The following CXCL17 variants were observed in gnomAD, a reference collection of about 807,000 sequenced individuals.
CXCL17 encodes the protein C-X-C motif chemokine ligand 17.
Under a neutral mutation model 15.5 loss-of-function variants are expected in CXCL17, and 9 were observed. The ratio of observed to expected loss-of-function variants is 0.58; its 90% CI spans 0.35 to 1.01. The LOEUF (loss-of-function observed/expected upper bound fraction) is 1.01, where lower values mean the gene tolerates loss of function less well. Among genes scored for constraint, CXCL17 ranks in the 50% least tolerant of loss-of-function variants. The pLI is 0.02. For missense variants in CXCL17, 133 were observed against 138.2 expected, an observed-to-expected ratio of 0.96 and a Z score of 0.19; for synonymous variants, 52 against 52.3, an observed-to-expected ratio of 0.99 and a Z score of 0.02.
intron 1 of CXCL17, among the ~76,000 whole-genome samples, chr19:42,434,850 G>A (rs1325715251): frequency 6.6e-6 from 1 of 151,982 alleles, no homozygotes; most frequent in Non-Finnish European, 1.5e-5. Context: ...TTTATTTTCC[G>A]ATTCTATCTT....
At position 42,432,984 on chromosome 19, in the gene CXCL17, T is replaced by C; in HGVS notation, c.254A>G (p.Lys85Arg). 3 of 1,613,112 alleles carry C rather than the reference T, an allele frequency of 1.9e-6. No homozygotes were observed. The highest frequency in any genetic ancestry group is 2.5e-6 in the Non-Finnish European group (3 of 1,179,042). Residue 85 changes from lysine (K) to arginine (R), a missense_variant, in exon 3 of 4, where the codon AAG becomes AGG. Transcript: ENST00000601181. Reference sequence around the variant, plus strand: ...ATCCTTTGGAAACTTACTTGTTTTCTTCACATTGCCCTTGAAATGATCACA... The same window carrying C: ...ATCCTTTGGAAACTTACTTGTTTTCCTCACATTGCCCTTGAAATGATCACA... ...CPCDHFKGNV[K>R]KTRHQRHHRK...
At position 42,428,647 on chromosome 19, in the gene CXCL17, T is replaced by TA. The variant is rs1389396234; in HGVS notation, c.*236dup. 2.8e-5 allele frequency: 11 copies of TA among 397,154 alleles called. No homozygotes were observed. The highest frequency in any genetic ancestry group is 5.0e-5 in the Non-Finnish European group (11 of 221,540). The allele number at this position is 397,154 out of a possible 1,614,324, so 24.6% of individuals were successfully genotyped here. Reference sequence around the variant, plus strand: ...CTACAGTTTCCTGGAATCTTTCAGGTAATTAAGCCTAAGCCTGGGTAAGGG... The same window carrying TA: ...CTACAGTTTCCTGGAATCTTTCAGGTAAATTAAGCCTAAGCCTGGGTAAGGG... On this transcript the variant is annotated 3_prime_UTR_variant, in exon 4 of 4. Coordinates refer to ENST00000601181, the MANE Select transcript of CXCL17 (RefSeq NM_198477.3).
At chr19:42,438,530 T>C (rs1347489853) in intron 1 of CXCL17, among the ~76,000 whole-genome samples, 1 of 151,236 alleles carries the variant, frequency 6.6e-6, no homozygotes, top group Non-Finnish European at 1.5e-5. Flanking sequence ...TGTTGGCGGG[T>C]AACTGAAACT....
chr19:42,434,774 C>T (rs189583873), intron 1 of CXCL17, among the ~76,000 whole-genome samples: 14 of 152,042 alleles, frequency 9.2e-5, no homozygotes, highest in African/African-American at 2.7e-4. Context: ...AACTATTAAA[C>T]GATGGTATTT....
At chr19:42,439,273 AAG>A (rs1491526124) in intron 1 of CXCL17, among the ~76,000 whole-genome samples, 2 of 146,990 alleles carry the variant, frequency 1.4e-5, no homozygotes, top group Admixed American at 6.8e-5. Context: ...AAAAAAAAAA[AAG>A]AAAAAGAAAA....
At chr19:42,440,846 G>A (rs1056769823) in intron 1 of CXCL17, among the ~76,000 whole-genome samples, 6 of 151,692 alleles carry the variant, frequency 4.0e-5, no homozygotes, top group Non-Finnish European at 8.8e-5. Flanking sequence ...TTGACCAAGG[G>A]TGGTTCCCCC....
chr19:42,433,069 G>A lies in CXCL17; in HGVS notation c.169C>T (p.Leu57=). The A allele has an allele frequency of 1.2e-6, 2 of 1,613,190 alleles. No homozygotes were observed. Among genetic ancestry groups the A allele is most frequent in the Non-Finnish European group, 8.5e-7 (1 of 1,179,304 alleles). The part of the protein sequence containing the change: ...GQECECKDWF[L]RAPRRKFMTV... Reference sequence around the variant, plus strand: ...ATGAATTTTCTTCTCGGGGCTCTCAGGAACCAATCTGGAACAACAGCATTG... The same window carrying A: ...ATGAATTTTCTTCTCGGGGCTCTCAAGAACCAATCTGGAACAACAGCATTG... Residue 57 remains leucine (L), a synonymous_variant, in exon 3 of 4, where the codon CTG becomes TTG. Coordinates refer to ENST00000601181, the MANE Select transcript of CXCL17 (RefSeq NM_198477.3).
chr19:42,438,604 A>G (rs1021916494), intron 1 of CXCL17, among the ~76,000 whole-genome samples: 1 of 151,632 alleles, frequency 6.6e-6, no homozygotes, highest in African/African-American at 2.4e-5. Context: ...TCTGACCACT[A>G]GAGGGCCTAG....
intron 2 of CXCL17, among the ~76,000 whole-genome samples, chr19:42,433,417 T>G (rs942078552): frequency 6.6e-6 from 1 of 152,190 alleles, no homozygotes; most frequent in African/African-American, 2.4e-5. Context: ...CCATTTTGCC[T>G]CTCTGCTTTC....
chr19:42,430,359 C>G (rs851302), intron 3 of CXCL17, among the ~76,000 whole-genome samples: 32,345 of 151,768 alleles, frequency 0.21, 5,609 homozygotes, highest in African/African-American at 0.47. Flanking sequence ...ACTTTGGGAG[C>G]CCGAGGCAGG....
chr19:42,435,459 A>C (rs1200902904), intron 1 of CXCL17, among the ~76,000 whole-genome samples: 1 of 152,126 alleles, frequency 6.6e-6, no homozygotes, highest in Non-Finnish European at 1.5e-5. Flanking sequence ...CTGTATATGG[A>C]GATAGGACCT....
intron 1 of CXCL17, among the ~76,000 whole-genome samples, chr19:42,434,366 C>T (rs929677030): frequency 6.6e-6 from 1 of 152,138 alleles, no homozygotes. Flanking sequence ...AGAGTGAGAG[C>T]GAGGAGGAGA....
chr19:42,442,881 T>G lies in CXCL17; in HGVS notation c.-49A>C. On this transcript the variant is annotated 5_prime_UTR_variant, in exon 1 of 4. Transcript: ENST00000601181. ...GTTGCTTGAAGAATATAATGGAAGG[T>G]TCCCTGCTGGAGGCTCCTGATCCCT... 3 of 1,434,806 alleles carry G rather than the reference T, an allele frequency of 2.1e-6. No individual in the cohort carries two copies. Among genetic ancestry groups the G allele is most frequent in the Non-Finnish European group, 2.9e-6 (3 of 1,022,796 alleles). The allele number at this position is 1,434,806 out of a possible 1,614,324, so 88.9% of individuals were successfully genotyped here. A position where few individuals can be genotyped will look rare whatever the true frequency, so the allele number is the denominator to read the frequency against.
chr19:42,428,701 A>G lies in CXCL17; in HGVS notation c.*183T>C, dbSNP rs1435236993. ...GGCACAGGCTAAGACTGACGAGAGA[A>G]GAAGACACTAGAGAGAGCAACAAAC... is the stretch of plus-strand genomic sequence containing the variant. On this transcript the variant is annotated 3_prime_UTR_variant, in exon 4 of 4. Transcript: ENST00000601181. 6.5e-6 allele frequency: 4 copies of G among 618,380 alleles called. No individual in the cohort carries two copies. Among genetic ancestry groups the G allele is most frequent in the East Asian group, 2.7e-5 (1 of 37,396 alleles). 38.3% of individuals were successfully genotyped at this position (618,380 alleles called of 1,614,324 possible).
intron 2 of CXCL17, 58 bp downstream of exon 2, chr19:42,433,718 A>G: frequency 6.9e-7 from 1 of 1,445,842 alleles, no homozygotes; most frequent in Non-Finnish European, 9.7e-7. Context: ...GAGGGGCCCA[A>G]GGGAGAGAGC....
intron 3 of CXCL17, among the ~76,000 whole-genome samples, chr19:42,432,270 G>A (rs1057292031): frequency 2.7e-5 from 4 of 148,148 alleles, no homozygotes; most frequent in Admixed American, 1.4e-4. Flanking sequence ...TCAACCTCCC[G>A]AGTAGCTGGG....
intron 1 of CXCL17, among the ~76,000 whole-genome samples, chr19:42,438,373 AAAAAAAAAAT>A (rs2040854025): frequency 2.8e-5 from 3 of 107,866 alleles, no homozygotes; most frequent in Non-Finnish European, 3.4e-5. Flanking sequence ...AAAAAAAAAA[AAAAAAAAAAT>A]ATATATATAT....
chr19:42,431,311 A>G (rs1351288892), intron 3 of CXCL17, among the ~76,000 whole-genome samples: 1 of 152,194 alleles, frequency 6.6e-6, no homozygotes, highest in Non-Finnish European at 1.5e-5. Flanking sequence ...AATTCCTTAT[A>G]TATGTATTCT....
intron 3 of CXCL17, 76 bp downstream of exon 3, chr19:42,432,900 A>C: frequency 9.2e-7 from 1 of 1,086,894 alleles, no homozygotes; most frequent in Non-Finnish European, 1.4e-6. Flanking sequence ...TCTTTTTTCT[A>C]TTCTCAACGT....
Sources: allele counts gnomAD v4.1 joint callset (sites outside exome capture counted in the v4.1 genomes callset), GRCh38; gene constraint gnomAD v4.1.1; transcripts MANE v1.5; gene names NCBI Gene and HGNC (gene_info 2026-07-23, HGNC 2026-07-21).